Variants in DAPK2 observed in about 807,000 individuals in gnomAD.
DAPK2 encodes death-associated protein kinase 2.
In DAPK2, 35 loss-of-function variants were observed where a neutral mutation model predicts 44.1. The ratio of observed to expected loss-of-function variants is 0.79; its 90% CI spans 0.61 to 1.05. The LOEUF (loss-of-function observed/expected upper bound fraction) is 1.05, where lower values mean the gene tolerates loss of function less well. Among genes scored for constraint, DAPK2 ranks in the 50% least tolerant of loss-of-function variants. The pLI, the probability that DAPK2 is intolerant of heterozygous loss-of-function variation, is 0.00. For missense variants in DAPK2, 453 were observed against 483.2 expected (o/e 0.94, Z 0.59); for synonymous variants, 174 against 182.6 (o/e 0.95, Z 0.38).
chr15:63,911,847 C>G, intron 10 of DAPK2, 61 bp downstream of exon 11: 2 of 1,531,306 alleles, frequency 1.3e-6, no homozygotes, highest in Non-Finnish European at 1.8e-6. Context: ...GGAACTCACC[C>G]ATCCCTGAGC....
chr15:64,015,252 G>A (rs974586056), intron 1 of DAPK2, among the ~76,000 whole-genome samples: 3 of 152,204 alleles, frequency 2.0e-5, no homozygotes, highest in Admixed American at 6.5e-5. Context: ...ACAGGACAAC[G>A]ACAGCATGTT....
intron 1 of DAPK2, among the ~76,000 whole-genome samples, chr15:63,996,895 C>A (rs1052979734): frequency 6.6e-6 from 1 of 152,284 alleles, no homozygotes; most frequent in African/African-American, 2.4e-5. Context: ...TCTGCCCCCA[C>A]GCTTGCAGGT....
intron 3 of DAPK2, among the ~76,000 whole-genome samples, chr15:63,963,457 A>T (rs2077968733): frequency 6.6e-6 from 1 of 152,196 alleles, no homozygotes; most frequent in East Asian, 1.9e-4. Flanking sequence ...CTATTCGGCC[A>T]TCTTGGAACC....
chr15:63,909,156 A>T (rs1596375580), intron 10 of DAPK2: 1 of 152,138 alleles, frequency 6.6e-6, no homozygotes, highest in Admixed American at 6.5e-5. Flanking sequence ...TACATGGCAA[A>T]CCAGAGCTGA....
intron 1 of DAPK2, among the ~76,000 whole-genome samples, chr15:64,012,923 T>C (rs1046919635): frequency 6.6e-6 from 1 of 152,232 alleles, no homozygotes; most frequent in African/African-American, 2.4e-5. Flanking sequence ...CCAATGAATA[T>C]ATTTATATAG....
intron 1 of DAPK2, among the ~76,000 whole-genome samples, chr15:64,004,853 T>C (rs1279626700): frequency 1.3e-5 from 2 of 152,196 alleles, no homozygotes; most frequent in African/African-American, 4.8e-5. Context: ...CACAGGTTGT[T>C]CTCTGACCTT....
Position 63,966,660 on chromosome 15 carries a change from A to G in DAPK2, c.453+4763T>C, listed in dbSNP as rs933236504. Among the ~76,000 whole-genome samples the G allele has an allele frequency of 2.6e-5, 4 of 152,156 alleles. No individual in the cohort carries two copies. Among genetic ancestry groups the G allele is most frequent in the Non-Finnish European group, 5.9e-5 (4 of 68,030 alleles). ...TAGGGCTAGTCTAAATGCTCCTTCC[A>G]TGGGTTCCAGCGGGGTTCTGCCTGG... On this transcript the variant is annotated intron_variant, in intron 3 of 10. Coordinates refer to ENST00000261891, the Ensembl canonical transcript of DAPK2. The surrounding 1 kb of genome is among the most constrained non-coding windows in gnomAD (Gnocchi z 5.5).
intron 1 of DAPK2, among the ~76,000 whole-genome samples, chr15:64,009,611 G>A (rs1315733246): frequency 6.6e-6 from 1 of 152,060 alleles, no homozygotes; most frequent in Non-Finnish European, 1.5e-5. Context: ...TGCTACTCCT[G>A]TTTTAAGTTC....
intron 1 of DAPK2, among the ~76,000 whole-genome samples, chr15:63,986,482 T>C (rs1172468080): frequency 2.6e-5 from 4 of 152,080 alleles, no homozygotes; most frequent in Non-Finnish European, 4.4e-5. Context: ...TGGAGGGCAG[T>C]GGTGTGATCA....
intron 1 of DAPK2, among the ~76,000 whole-genome samples, chr15:63,988,475 G>C (rs2078724290): frequency 6.6e-6 from 1 of 151,594 alleles, no homozygotes; most frequent in Non-Finnish European, 1.5e-5. Context: ...GTATAGCAAT[G>C]TGAACATTAC....
Position 63,970,733 on chromosome 15 carries a change from A to C in DAPK2, c.453+690T>G, listed in dbSNP as rs888577878. On this transcript the variant is annotated intron_variant, in intron 3 of 10. Transcript: ENST00000261891. ...TCAAAGTTAGAGGACTTTACACATT[A>C]AGTATCTGTATAGGCTCATCAGTCT... Among the ~76,000 whole-genome samples, 3 of 152,232 alleles carry C rather than the reference A, an allele frequency of 2.0e-5. No homozygotes were observed. The South Asian group carries it at 6.2e-4, about 31-fold the overall frequency.
At chr15:64,040,832 T>G (rs144585696), upstream of DAPK2, among the ~76,000 whole-genome samples, 343 of 144,496 alleles carry the variant, frequency 2.4e-3, no homozygotes, top group African/African-American at 8.5e-3. Context: ...AAGAATCACT[T>G]GAACCCGGGA....
chr15:63,971,653 A>AC lies in DAPK2; in HGVS notation c.315-93dup, dbSNP rs1455310096. The AC allele has an allele frequency of 3.0e-5, 42 of 1,417,498 alleles. No individual in the cohort carries two copies. The East Asian group carries it at 1.0e-3, about 34-fold the overall frequency. The allele number at this position is 1,417,498 out of a possible 1,614,324, so 87.8% of individuals were successfully genotyped here. ...CTGATAGGGGCAAGCCCTCATCCTG[A>AC]CCCCCCAGGGACCTTGTATGGCAGA... On this transcript the variant is annotated intron_variant, in intron 2 of 10. Coordinates refer to ENST00000261891, the Ensembl canonical transcript of DAPK2.
chr15:63,964,372 C>A (rs1567236333), intron 3 of DAPK2, among the ~76,000 whole-genome samples: 1 of 152,082 alleles, frequency 6.6e-6, no homozygotes, highest in Non-Finnish European at 1.5e-5. Flanking sequence ...AGGATCCTTT[C>A]TTTACTCTTG....
upstream of DAPK2, among the ~76,000 whole-genome samples, chr15:64,041,432 C>G (rs1010346359): frequency 1.3e-5 from 2 of 152,218 alleles, no homozygotes; most frequent in African/African-American, 4.8e-5. Flanking sequence ...TGCATCGTCT[C>G]CTGGGATCCC....
Position 63,966,733 on chromosome 15 carries a change from C to T in DAPK2, c.453+4690G>A, listed in dbSNP as rs2078063618. On this transcript the variant is annotated intron_variant, in intron 3 of 10. Coordinates refer to ENST00000261891, the Ensembl canonical transcript of DAPK2. The surrounding 1 kb of genome is among the most constrained non-coding windows in gnomAD (Gnocchi z 5.5). ...GCAGCACTGAGTTTCAATGCAAAGT[C>T]CCACAATTGCTGCACTCTCCCTCCC... Among the ~76,000 whole-genome samples the T allele has an allele frequency of 2.6e-5, 4 of 152,100 alleles. No homozygotes were observed. In the South Asian group the frequency reaches 8.3e-4, roughly 31 times the overall value.
intron 1 of DAPK2, among the ~76,000 whole-genome samples, chr15:64,011,589 C>A (rs375686385): frequency 2.0e-5 from 3 of 152,192 alleles, no homozygotes; most frequent in Admixed American, 2.0e-4. Context: ...CAGGTTGATG[C>A]TTGGATAATG....
At chr15:63,971,686 T>C in intron 2 of DAPK2, 125 bp from the exon 4 acceptor site, 1 of 1,058,220 alleles carries the variant, frequency 9.4e-7, no homozygotes, top group Non-Finnish European at 1.3e-6. Flanking sequence ...AGAATCCCCC[T>C]GGCTTATTTC....
Position 63,943,923 on chromosome 15 carries a change from C to T in DAPK2, c.454-4562G>A, listed in dbSNP as rs370591173. ...TCTATCCCAGAGAGAAGCAGCAATG[C>T]CACTCTGGCCTGGCAACCTGGGGCA... On this transcript the variant is annotated intron_variant, in intron 3 of 10. Transcript: ENST00000261891. Among the ~76,000 whole-genome samples the T allele has an allele frequency of 8.5e-4, 130 of 152,244 alleles. 1 individual carries two copies. The highest frequency in any genetic ancestry group is 3.1e-3 in the African/African-American group (127 of 41,546).
Sources: gnomAD v4.1 joint callset for allele counts (sites outside exome capture counted in the v4.1 genomes callset) on GRCh38, gnomAD v4.1.1 for gene constraint, Gnocchi (gnomAD v3.1) non-coding constraint, MANE v1.5 for transcripts, NCBI Gene and HGNC (gene_info 2026-07-23, HGNC 2026-07-21) for gene names.